Variants in TSPAN18 observed in about 807,000 individuals in gnomAD.
TSPAN18 encodes tetraspanin-18.
TSPAN18 carries 14 observed loss-of-function variants against 27.3 expected under a neutral mutation model. The observed-to-expected ratio is 0.51, with a 90% confidence interval of 0.34 to 0.80. The LOEUF (loss-of-function observed/expected upper bound fraction) is 0.80. TSPAN18 is among the 30% of genes least tolerant of loss of function. The pLI is 0.01. For missense variants in TSPAN18, 268 were observed against 323.9 expected, an observed-to-expected ratio of 0.83 and a Z score of 1.32; for synonymous variants, 143 against 136.5, an observed-to-expected ratio of 1.05 and a Z score of -0.33.
intron 2 of TSPAN18, among the ~76,000 whole-genome samples, chr11:44,801,309 A>G (rs1466318553): frequency 6.6e-6 from 1 of 152,212 alleles, no homozygotes; most frequent in Non-Finnish European, 1.5e-5. Flanking sequence ...TTAGATTGCC[A>G]TTCTCTACAG....
chr11:44,864,240 C>T (rs1289816315), intron 3 of TSPAN18, among the ~76,000 whole-genome samples: 1 of 149,346 alleles, frequency 6.7e-6, no homozygotes, highest in African/African-American at 2.5e-5. Flanking sequence ...TGAGCCAAGA[C>T]CGCACCACTG....
At chr11:44,855,201 C>A (rs959099778) in intron 2 of TSPAN18, among the ~76,000 whole-genome samples, 1 of 151,564 alleles carries the variant, frequency 6.6e-6, no homozygotes, top group South Asian at 2.1e-4. Flanking sequence ...ACATTTATAG[C>A]GTGGGTTTAA....
intron 2 of TSPAN18, among the ~76,000 whole-genome samples, chr11:44,777,895 A>G (rs1336639769): frequency 6.6e-6 from 1 of 152,190 alleles, no homozygotes; most frequent in Non-Finnish European, 1.5e-5. Context: ...ATACCCAGGT[A>G]GGCACCACAT....
chr11:44,864,676 C>G (rs1362969383), intron 3 of TSPAN18, among the ~76,000 whole-genome samples: 1 of 152,232 alleles, frequency 6.6e-6, no homozygotes, highest in Non-Finnish European at 1.5e-5. Flanking sequence ...ATTGCCAAGT[C>G]CCAGTTCAGC....
At chr11:44,800,333 C>T (rs1333273926) in intron 2 of TSPAN18, among the ~76,000 whole-genome samples, 1 of 152,188 alleles carries the variant, frequency 6.6e-6, no homozygotes, top group African/African-American at 2.4e-5. Flanking sequence ...AAAGGTATTG[C>T]CAGAGGCCCC....
At position 44,863,441 on chromosome 11, in the gene TSPAN18, C is replaced by G. The variant is rs541481711; in HGVS notation, c.-11+2972C>G. Among the ~76,000 whole-genome samples, 118 of 152,374 alleles carry G rather than the reference C, an allele frequency of 7.7e-4. 1 individual carries two copies. Among genetic ancestry groups the G allele is most frequent in the African/African-American group, 2.5e-3 (105 of 41,580 alleles). On this transcript the variant is annotated intron_variant, in intron 3 of 9. Coordinates refer to ENST00000520358, the MANE Select transcript of TSPAN18 (RefSeq NM_130783.5). The stretch of plus-strand genomic sequence containing the variant: ...CGGAGTTTAGTAGCGCCTCCCTTTT[C>G]CTTTTGTCCTCTTCTTCCCTGGGAA...
chr11:44,919,809 C>T lies in TSPAN18; in HGVS notation c.433-8C>T, dbSNP rs1860056823. 1.9e-6 allele frequency: 3 copies of T among 1,613,766 alleles called. No individual in the cohort carries two copies. The highest frequency in any genetic ancestry group is 2.7e-5 in the African/African-American group (2 of 74,930). On this transcript the variant is annotated splice_polypyrimidine_tract_variant and splice_region_variant and intron_variant, in intron 7 of 9. Transcript: ENST00000520358. ...CCCACCAGAACCTTCTCTGGGATCT[C>T]CCCCTAGTTTGGTTGCTGCGGGGTC...
intron 1 of TSPAN18, among the ~76,000 whole-genome samples, chr11:44,728,829 G>A (rs1854582378): frequency 6.6e-6 from 1 of 152,124 alleles, no homozygotes; most frequent in Non-Finnish European, 1.5e-5. Flanking sequence ...GACATTGGAG[G>A]GACTATTGCC....
intron 3 of TSPAN18, among the ~76,000 whole-genome samples, chr11:44,878,398 T>C (rs1245406680): frequency 1.3e-5 from 2 of 152,140 alleles, no homozygotes; most frequent in East Asian, 1.9e-4. Flanking sequence ...GAAGGCTCCC[T>C]GCTCTCTGGG....
Position 44,919,882 on chromosome 11 carries a change from C to G in TSPAN18, c.498C>G (p.Thr166=). 4 of 1,614,204 alleles carry G rather than the reference C, an allele frequency of 2.5e-6. No homozygotes were observed. In the South Asian group the frequency reaches 3.3e-5, roughly 13 times the overall value. Residue 166 remains threonine (T), a synonymous_variant, in exon 8 of 10, where the codon ACC becomes ACG. Coordinates refer to ENST00000520358, the MANE Select transcript of TSPAN18 (RefSeq NM_130783.5). The stretch of plus-strand genomic sequence containing the variant: ...TTGCATCTGTGTTTCGACTCCTGAC[C>G]CTGGATAGTGAAGAGGTGCCGGAGG... ...FKFASVFRLL[T]LDSEEVPEAC... is the part of the protein sequence containing the mutation.
chr11:44,872,857 C>T (rs1393500913), intron 3 of TSPAN18, among the ~76,000 whole-genome samples: 1 of 152,138 alleles, frequency 6.6e-6, no homozygotes, highest in Non-Finnish European at 1.5e-5. Context: ...TTAAGTGCCA[C>T]CTGCCCAGCC....
intron 3 of TSPAN18, among the ~76,000 whole-genome samples, chr11:44,904,307 AGT>A (rs1859376104): frequency 6.6e-6 from 1 of 152,102 alleles, no homozygotes; most frequent in Non-Finnish European, 1.5e-5. Context: ...CATTTTTCCA[AGT>A]TGCAATAGGG....
chr11:44,819,001 C>T (rs1856871024), intron 2 of TSPAN18, among the ~76,000 whole-genome samples: 2 of 152,258 alleles, frequency 1.3e-5, no homozygotes, highest in Middle Eastern at 6.8e-3. Context: ...AGTAAACAGC[C>T]TGGCCATTTG....
intron 3 of TSPAN18, among the ~76,000 whole-genome samples, chr11:44,865,866 G>A (rs967140779): frequency 2.6e-5 from 4 of 152,212 alleles, no homozygotes; most frequent in African/African-American, 7.2e-5. Flanking sequence ...CCCCAGCACT[G>A]TTTGCTCTGA....
At chr11:44,778,125 C>T (rs1258812290) in intron 2 of TSPAN18, among the ~76,000 whole-genome samples, 1 of 151,910 alleles carries the variant, frequency 6.6e-6, no homozygotes, top group Non-Finnish European at 1.5e-5. Flanking sequence ...GGAGGTAGAA[C>T]TAGAAATGGG....
chr11:44,880,947 T>C (rs1224166748), intron 3 of TSPAN18, among the ~76,000 whole-genome samples: 2 of 152,238 alleles, frequency 1.3e-5, no homozygotes, highest in Non-Finnish European at 2.9e-5. Context: ...GCCTGCAGGC[T>C]GGAGGGACTG....
At chr11:44,820,130 A>G (rs1456051478) in intron 2 of TSPAN18, among the ~76,000 whole-genome samples, 2 of 152,190 alleles carry the variant, frequency 1.3e-5, no homozygotes, top group African/African-American at 2.4e-5. Context: ...AGGCTCCTTC[A>G]GGGTGGCCCA....
At chr11:44,799,526 C>T (rs1166787693) in intron 2 of TSPAN18, among the ~76,000 whole-genome samples, 1 of 152,216 alleles carries the variant, frequency 6.6e-6, no homozygotes, top group Non-Finnish European at 1.5e-5. Flanking sequence ...AATGAGCGGG[C>T]AGTAGCTCCC....
intron 2 of TSPAN18, among the ~76,000 whole-genome samples, chr11:44,786,442 T>C (rs1362161276): frequency 6.6e-6 from 1 of 151,922 alleles, no homozygotes; most frequent in Non-Finnish European, 1.5e-5. Context: ...GTTGGGTAGG[T>C]TCAGAGTGAA....
Sources: allele counts gnomAD v4.1 joint callset (sites outside exome capture counted in the v4.1 genomes callset), GRCh38; gene constraint gnomAD v4.1.1; transcripts MANE v1.5; gene names NCBI Gene and HGNC (gene_info 2026-07-23, HGNC 2026-07-21).